Variants in POPDC3 observed in about 807,000 individuals in gnomAD.
POPDC3 encodes the protein popeye domain cAMP effector 3, also known as popeye domain-containing protein 3.
Under a neutral mutation model 28.2 loss-of-function variants are expected in POPDC3, and 20 were observed. That is an observed-to-expected ratio of 0.71 (90% confidence interval 0.50 to 1.03). The LOEUF is 1.03. Among genes scored for constraint, POPDC3 ranks in the 50% least tolerant of loss-of-function variants. The pLI is 0.00. For synonymous variants in POPDC3, 118 were observed against 124.1 expected (o/e 0.95, Z 0.33); for missense variants, 316 against 345.9 (o/e 0.91, Z 0.69).
chr6:105,175,883 G>A (rs766752241), intron 1 of POPDC3, among the ~76,000 whole-genome samples: 15 of 152,128 alleles, frequency 9.9e-5, no homozygotes, highest in Non-Finnish European at 1.9e-4. Context: ...ACTGGGATAT[G>A]AGTAGAAGTG....
intron 1 of POPDC3, among the ~76,000 whole-genome samples, chr6:105,165,586 G>A (rs1774439222): frequency 6.6e-6 from 1 of 152,152 alleles, no homozygotes; most frequent in Non-Finnish European, 1.5e-5. Flanking sequence ...CACAGAATTG[G>A]GGGGCTCCAA....
At chr6:105,159,274 T>G (rs1190284) in intron 3 of POPDC3, among the ~76,000 whole-genome samples, 130,651 of 152,222 alleles carry the variant, frequency 0.86, 57,615 homozygotes, top group Non-Finnish European at 0.96. Flanking sequence ...AGCAGAGTAA[T>G]GACAGTAAGT....
At chr6:105,164,372 A>G (rs1169435916) in intron 1 of POPDC3, among the ~76,000 whole-genome samples, 1 of 152,154 alleles carries the variant, frequency 6.6e-6, no homozygotes, top group Non-Finnish European at 1.5e-5. Flanking sequence ...CATTATGATT[A>G]TAAGGGGAAC....
rs376176931 is a variant in POPDC3, at chr6:105,158,642, A to G, written c.704T>C (p.Ile235Thr). Residue 235 changes from isoleucine (I) to threonine (T), a missense_variant, in exon 4 of 4, where the codon ATT becomes ACT. Physicochemically the swap from Ile to Thr is moderately conservative, Grantham distance 89. Transcript: ENST00000254765. Reference protein sequence around the residue: ...RYISRLFSVLIGSDIADKLYA... With the variant: ...RYISRLFSVLTGSDIADKLYA... ...GAGTTTATCTGCAATGTCACTGCCA[A>G]TTAGCACTGAAAAAAGGCGGGAGAT... 2 of 1,614,180 alleles carry G rather than the reference A, an allele frequency of 1.2e-6. No individual in the cohort carries two copies. The highest frequency in any genetic ancestry group is 1.7e-6 in the Non-Finnish European group (2 of 1,180,006).
chr6:105,160,655 C>T (rs373740900), intron 2 of POPDC3, among the ~76,000 whole-genome samples: 9 of 152,138 alleles, frequency 5.9e-5, no homozygotes, highest in South Asian at 2.1e-4. Flanking sequence ...TGTAGTGGCG[C>T]GATCTCAGCT....
chr6:105,170,817 A>G (rs529781406), intron 1 of POPDC3, among the ~76,000 whole-genome samples: 5 of 152,240 alleles, frequency 3.3e-5, no homozygotes, highest in Non-Finnish European at 7.3e-5. Context: ...TAGGAATTTA[A>G]TAAAAACAAT....
rs759826057 is a variant in POPDC3 at position 105,159,698 on chromosome 6, T to A, written c.594+13A>T. The A allele has an allele frequency of 3.4e-6, 5 of 1,457,180 alleles. No homozygotes were observed. The South Asian group carries it at 5.7e-5, about 17-fold the overall frequency. The allele number at this position is 1,457,180 out of a possible 1,614,324, so 90.3% of individuals were successfully genotyped here. On this transcript the variant is annotated intron_variant, in intron 3 of 3. Coordinates refer to ENST00000254765, the MANE Select transcript of POPDC3 (RefSeq NM_022361.5). ...AAGAGGGAGTGCTAACTGTGTGTTC[T>A]GGTATCCCTTACCTGAAAAATGCCT...
At chr6:105,178,045 G>A (rs972396928) in intron 1 of POPDC3, among the ~76,000 whole-genome samples, 3 of 152,106 alleles carry the variant, frequency 2.0e-5, no homozygotes, top group South Asian at 2.1e-4. Context: ...CAATCGAATC[G>A]GTGATTCGAT....
In POPDC3 at chr6:105,161,944, C is replaced by T; in HGVS notation, c.-35G>A. On this transcript the variant is annotated 5_prime_UTR_variant, in exon 2 of 4. Coordinates refer to ENST00000254765, the MANE Select transcript of POPDC3 (RefSeq NM_022361.5). ...ACTGCCTGCTTCACTTTTCAGTTGA[C>T]TTTAGATGACACTGAAACAGGTAAC... The T allele has an allele frequency of 6.5e-7, 1 of 1,548,802 alleles. No homozygotes were observed. Among genetic ancestry groups the T allele is most frequent in the East Asian group, 2.2e-5 (1 of 44,480 alleles).
At chr6:105,166,807 A>G (rs1417450776) in intron 1 of POPDC3, 1 of 328,306 alleles carries the variant, frequency 3.0e-6, no homozygotes, top group Admixed American at 4.5e-5. Flanking sequence ...AAGCATCACA[A>G]TTTTTTAATT....
intron 2 of POPDC3, among the ~76,000 whole-genome samples, chr6:105,161,004 GA>G (rs1486167543): frequency 1.3e-5 from 2 of 151,804 alleles, no homozygotes; most frequent in Non-Finnish European, 2.9e-5. Context: ...ATTTACTGAA[GA>G]AAAAAAGATA....
chr6:105,164,828 AAC>A (rs1774425981), intron 1 of POPDC3, among the ~76,000 whole-genome samples: 2 of 152,238 alleles, frequency 1.3e-5, no homozygotes, highest in African/African-American at 4.8e-5. Flanking sequence ...AGTGCAAATA[AAC>A]ACAGTTGTTC....
At chr6:105,176,922 T>C (rs1238071250) in intron 1 of POPDC3, 1 of 153,728 alleles carries the variant, frequency 6.5e-6, no homozygotes, top group Non-Finnish European at 1.4e-5. Context: ...ATGTTAAAGA[T>C]GAATATATCT....
chr6:105,166,049 A>G (rs1384862852), intron 1 of POPDC3, among the ~76,000 whole-genome samples: 2 of 152,210 alleles, frequency 1.3e-5, no homozygotes, highest in Non-Finnish European at 1.5e-5. Flanking sequence ...TAAGTTGTTC[A>G]ATGTCACATT....
chr6:105,171,881 C>A (rs1304529693), intron 1 of POPDC3, among the ~76,000 whole-genome samples: 1 of 150,806 alleles, frequency 6.6e-6, no homozygotes, highest in Non-Finnish European at 1.5e-5. Flanking sequence ...ATGGAGTCTC[C>A]TTGTGTTTCC....
At chr6:105,161,161 CAT>C (rs1774317997) in intron 2 of POPDC3, among the ~76,000 whole-genome samples, 1 of 152,172 alleles carries the variant, frequency 6.6e-6, no homozygotes, top group Admixed American at 6.5e-5. Flanking sequence ...AAACAAATAT[CAT>C]ATCACATAAA....
Position 105,157,939 on chromosome 6 carries a change from G to A in POPDC3, c.*531C>T, listed in dbSNP as rs1237046313. On this transcript the variant is annotated 3_prime_UTR_variant, in exon 4 of 4. Transcript: ENST00000254765. ...TATTTTATTTGTAGCAATAAAATAG[G>A]CTTCAAGATTCACATATTATTATCT... 1.3e-5 allele frequency among the ~76,000 whole-genome samples: 2 copies of A among 152,178 alleles called. No individual in the cohort carries two copies. Among genetic ancestry groups the A allele is most frequent in the Non-Finnish European group, 2.9e-5 (2 of 68,038 alleles).
rs191305140 is a variant in POPDC3, at chr6:105,172,947, C to T, written c.-252+6886G>A. On this transcript the variant is annotated intron_variant, in intron 1 of 3. Transcript: ENST00000254765. The stretch of plus-strand genomic sequence containing the variant: ...ATATACGTAGTGCTAAATGACGAGT[C>T]AATGGGTGCAGCACACCAACATGGC... Among the ~76,000 whole-genome samples the T allele has an allele frequency of 8.6e-3, 1,308 of 151,874 alleles. 16 individuals are homozygous for T. Among genetic ancestry groups the T allele is most frequent in the African/African-American group, 0.029 (1,216 of 41,404 alleles).
chr6:105,161,989 T>C lies in POPDC3; in HGVS notation c.-80A>G. 6.6e-7 allele frequency: 1 copy of C among 1,519,336 alleles called. No individual in the cohort carries two copies. Among genetic ancestry groups the C allele is most frequent in the Non-Finnish European group, 8.8e-7 (1 of 1,139,660 alleles). The allele number at this position is 1,519,336 out of a possible 1,614,324, so 94.1% of individuals were successfully genotyped here. A position where few individuals can be genotyped will look rare whatever the true frequency, so the allele number is the denominator to read the frequency against. ...GGTAACTAAGTCCTTTGGTTCTCCA[T>C]CATGAGAGTTTTGTGCAGTCTTCAC... On this transcript the variant is annotated 5_prime_UTR_variant, in exon 2 of 4. The change abolishes an upstream ATG in the 5' untranslated region. Coordinates refer to ENST00000254765, the MANE Select transcript of POPDC3 (RefSeq NM_022361.5).
Sources: allele counts gnomAD v4.1 joint callset (sites outside exome capture counted in the v4.1 genomes callset), GRCh38; gene constraint gnomAD v4.1.1; transcripts MANE v1.5; gene names NCBI Gene and HGNC (gene_info 2026-07-23, HGNC 2026-07-21).